Variants in CTSC observed in about 807,000 individuals in gnomAD.
CTSC encodes dipeptidyl peptidase 1.
In CTSC, 37 loss-of-function variants were observed where a neutral mutation model predicts 40.9. The ratio of observed to expected loss-of-function variants is 0.91; its 90% confidence interval spans 0.70 to 1.19. CTSC has a LOEUF of 1.19. Ranked by LOEUF, CTSC falls within the 50% of genes most tolerant of loss-of-function variation. The pLI is 0.00. For missense variants in CTSC, 594 were observed against 567.3 expected (o/e 1.05, Z -0.48); for synonymous variants, 232 against 207.4 (o/e 1.12, Z -1.02).
chr11:88,299,239 C>T (rs1378065700), intron 5 of CTSC: 1 of 152,178 alleles, frequency 6.6e-6, no homozygotes, highest in Non-Finnish European at 1.5e-5. Flanking sequence ...TTAATCCTCT[C>T]AGGCACAAAA....
rs761655706 is a variant in CTSC at position 88,296,284 on chromosome 11, A to G, written c.758-20T>C. On this transcript the variant is annotated intron_variant, in intron 5 of 6. Transcript: ENST00000227266. ...AGGATGCTGGCGATGAAAAAAAGAC[A>G]CATAATCCAAGAGACATCTGAAGCC... The G allele has an allele frequency of 6.2e-7, 1 of 1,612,998 alleles. No individual in the cohort carries two copies. Among genetic ancestry groups the G allele is most frequent in the African/African-American group, 1.3e-5 (1 of 74,894 alleles).
intron 2 of CTSC, chr11:88,325,393 C>G (rs1938153322): frequency 1.0e-6 from 1 of 985,206 alleles, no homozygotes; most frequent in African/African-American, 1.7e-5. Flanking sequence ...TCAACATGAG[C>G]CCATGCAACA....
At chr11:88,316,420 G>A (rs574791978) in intron 2 of CTSC, among the ~76,000 whole-genome samples, 245 of 151,926 alleles carry the variant, frequency 1.6e-3, no homozygotes, top group Middle Eastern at 3.4e-3. Context: ...AGGTTACAGT[G>A]AGCAATGATC....
chr11:88,315,035 C>A (rs1937844632), intron 2 of CTSC, among the ~76,000 whole-genome samples: 1 of 152,206 alleles, frequency 6.6e-6, no homozygotes, highest in Non-Finnish European at 1.5e-5. Context: ...TCATACTAAA[C>A]TATGTAAAAC....
intron 1 of CTSC, among the ~76,000 whole-genome samples, chr11:88,336,817 A>T (rs1263114257): frequency 6.6e-6 from 1 of 152,190 alleles, no homozygotes; most frequent in East Asian, 1.9e-4. Flanking sequence ...GGCATATGGA[A>T]TATCTCCAGT....
chr11:88,294,957 A>G (rs1399218442), intron 6 of CTSC, among the ~76,000 whole-genome samples: 2 of 152,206 alleles, frequency 1.3e-5, no homozygotes, highest in Non-Finnish European at 2.9e-5. Flanking sequence ...CTCTTTCTCA[A>G]GCAAGTCTTT....
chr11:88,319,686 C>T (rs1183759393), intron 2 of CTSC, among the ~76,000 whole-genome samples: 2 of 151,996 alleles, frequency 1.3e-5, no homozygotes, highest in East Asian at 3.9e-4. Flanking sequence ...TATTTAATCG[C>T]TTAATATTTC....
chr11:88,311,990 T>A (rs1937771410), intron 3 of CTSC, among the ~76,000 whole-genome samples: 1 of 152,244 alleles, frequency 6.6e-6, no homozygotes, highest in Admixed American at 6.5e-5. Flanking sequence ...TACTAAGAAC[T>A]TTGATTTCAG....
At chr11:88,328,103 G>A in intron 2 of CTSC, 1 of 1,602,590 alleles carries the variant, frequency 6.2e-7, no homozygotes, top group Non-Finnish European at 8.6e-7. Context: ...ATTTTTCAAT[G>A]GAGCTCACCC....
chr11:88,336,539 C>CAAA (rs35388709), intron 1 of CTSC, among the ~76,000 whole-genome samples: 2 of 87,402 alleles, frequency 2.3e-5, no homozygotes, highest in African/African-American at 4.2e-5. Flanking sequence ...ACTCCATTCT[C>CAAA]AAAAAAAAAA....
At chr11:88,297,974 G>A (rs1392172538) in intron 5 of CTSC, 1 of 152,154 alleles carries the variant, frequency 6.6e-6, no homozygotes, top group Non-Finnish European at 1.5e-5. Flanking sequence ...CACTGAACTA[G>A]GAGTCGGGAG....
intron 2 of CTSC, 45 bp from the exon 3 acceptor site, chr11:88,312,599 C>A: frequency 6.2e-7 from 1 of 1,609,154 alleles, no homozygotes; most frequent in Non-Finnish European, 8.5e-7. Context: ...AATCTGTCTT[C>A]AAATTTCAGG....
At chr11:88,299,248 A>C (rs998542717) in intron 5 of CTSC, 1 of 152,210 alleles carries the variant, frequency 6.6e-6, no homozygotes, top group African/African-American at 2.4e-5. Flanking sequence ...TCAGGCACAA[A>C]AAATCTATTT....
intron 2 of CTSC, among the ~76,000 whole-genome samples, chr11:88,332,804 A>AT (rs1257059411): frequency 1.3e-5 from 2 of 152,162 alleles, no homozygotes; most frequent in Non-Finnish European, 2.9e-5. Context: ...GGGCAGGAGT[A>AT]TTTTTTCTAT....
intron 2 of CTSC, chr11:88,324,840 G>A: frequency 1.0e-6 from 1 of 985,400 alleles, no homozygotes; most frequent in Non-Finnish European, 1.2e-6. Flanking sequence ...AGGTGAGATA[G>A]ATAAAAGTTT....
At chr11:88,311,258 T>C (rs1195255909) in intron 3 of CTSC, among the ~76,000 whole-genome samples, 2 of 152,208 alleles carry the variant, frequency 1.3e-5, no homozygotes, top group Admixed American at 6.5e-5. Context: ...AAAGTAAATG[T>C]GTAGCTCTAG....
At chr11:88,332,115 G>A (rs991987221) in intron 2 of CTSC, among the ~76,000 whole-genome samples, 5 of 152,162 alleles carry the variant, frequency 3.3e-5, no homozygotes, top group African/African-American at 1.2e-4. Flanking sequence ...AAATCCAATT[G>A]ATTTGTAGGA....
At chr11:88,310,828 CT>C (rs1180370747) in intron 3 of CTSC, among the ~76,000 whole-genome samples, 3 of 152,070 alleles carry the variant, frequency 2.0e-5, no homozygotes, top group Admixed American at 2.0e-4. Context: ...AAATAAAATA[CT>C]TTTGAGATAT....
At position 88,294,493 on chromosome 11, in the gene CTSC, A is replaced by C. The variant is rs1944277427; in HGVS notation, c.905T>G (p.Phe302Cys). The C allele has an allele frequency of 6.2e-7, 1 of 1,614,140 alleles. No homozygotes were observed. Among genetic ancestry groups the C allele is most frequent in the Admixed American group, 1.7e-5 (1 of 59,994 alleles). ...SQYAQGCEGGFPYLIAGKYAQ... is the reference protein window; with the variant it reads ...SQYAQGCEGGCPYLIAGKYAQ... ...GTACTTTCCTGCAATAAGGTATGGG[A>C]AGCCGCCTTCACAGCCTGAAGATGA... Residue 302 changes from phenylalanine (F) to cysteine (C), a missense_variant, in exon 7 of 7, where the codon TTC becomes TGC. Phe to Cys is a radical substitution (Grantham distance 205, BLOSUM62 -2). Coordinates refer to ENST00000227266, the MANE Select transcript of CTSC (RefSeq NM_001814.6).
Sources: gnomAD v4.1 joint callset for allele counts (sites outside exome capture counted in the v4.1 genomes callset) on GRCh38, gnomAD v4.1.1 for gene constraint, MANE v1.5 for transcripts, NCBI Gene and HGNC (gene_info 2026-07-23, HGNC 2026-07-21) for gene names.